The following EXOC6B variants were observed in gnomAD, a reference collection of about 807,000 sequenced individuals.
The protein encoded by EXOC6B is SEC15 homolog B.
EXOC6B carries 54 observed loss-of-function variants against 113.5 expected under a neutral mutation model. The observed-to-expected ratio is 0.48, with a 90% CI of 0.38 to 0.60. The LOEUF is 0.60. EXOC6B is among the 20% of genes least tolerant of loss of function. The pLI is 0.00. For synonymous variants in EXOC6B, 357 were observed against 339.0 expected (o/e 1.05, Z -0.58); for missense variants, 797 against 977.5 (o/e 0.82, Z 2.46).
At chr2:72,469,757 T>A (rs915184748) in intron 17 of EXOC6B, among the ~76,000 whole-genome samples, 3 of 152,218 alleles carry the variant, frequency 2.0e-5, no homozygotes, top group East Asian at 1.9e-4. Context: ...GTCCATTAGA[T>A]TCACTTGATG....
chr2:72,204,688 C>A (rs1384751849), intron 20 of EXOC6B, among the ~76,000 whole-genome samples: 2 of 152,122 alleles, frequency 1.3e-5, no homozygotes, highest in Non-Finnish European at 2.9e-5. Context: ...TGCTCTGAAG[C>A]CCCCAGTCAC....
chr2:72,315,080 G>C lies in EXOC6B; in HGVS notation c.2196+19867C>G, dbSNP rs1687431549. Among the ~76,000 whole-genome samples the C allele has an allele frequency of 2.0e-5, 3 of 152,128 alleles. 1 individual carries two copies. Among genetic ancestry groups the C allele is most frequent in the Admixed American group, 2.0e-4 (3 of 15,272 alleles). ...TTATGGTTTGGAAGGAGGTGGCAGA[G>C]GTAGTCAGAGGGAAGTTGCAATCTT... On this transcript the variant is annotated intron_variant, in intron 20 of 21. Transcript: ENST00000272427.
chr2:72,824,943 C>T (rs1686811549), intron 1 of EXOC6B, among the ~76,000 whole-genome samples: 1 of 152,182 alleles, frequency 6.6e-6, no homozygotes, highest in Admixed American at 6.5e-5. Context: ...GGGCAAGTCA[C>T]TTAACCTATC....
intron 6 of EXOC6B, among the ~76,000 whole-genome samples, chr2:72,679,012 T>G (rs1437867670): frequency 1.3e-5 from 2 of 152,032 alleles, no homozygotes; most frequent in African/African-American, 4.8e-5. Context: ...GAAATCCTAA[T>G]GAAAGTTATG....
intron 6 of EXOC6B, among the ~76,000 whole-genome samples, chr2:72,676,497 C>T (rs942670547): frequency 1.5e-4 from 23 of 152,010 alleles, no homozygotes; most frequent in East Asian, 1.9e-4. Flanking sequence ...CTACATATTA[C>T]GCAGTAAGAA....
chr2:72,304,723 A>G (rs2104767054), intron 20 of EXOC6B, among the ~76,000 whole-genome samples: 1 of 152,324 alleles, frequency 6.6e-6, no homozygotes, highest in East Asian at 1.9e-4. Context: ...TTAACTGTGC[A>G]TTCAGCAGAG....
At chr2:72,558,562 G>T (rs1573390388) in intron 8 of EXOC6B, among the ~76,000 whole-genome samples, 1 of 152,138 alleles carries the variant, frequency 6.6e-6, no homozygotes, top group Non-Finnish European at 1.5e-5. Flanking sequence ...CTGAGGTCAG[G>T]AGTTCAAGAC....
chr2:72,591,307 A>C (rs1240480721), intron 6 of EXOC6B, among the ~76,000 whole-genome samples: 1 of 152,114 alleles, frequency 6.6e-6, no homozygotes, highest in African/African-American at 2.4e-5. Context: ...GATTATTACA[A>C]AGCTGAAAGA....
At chr2:72,548,054 A>C (rs1425705971) in intron 8 of EXOC6B, among the ~76,000 whole-genome samples, 2 of 152,126 alleles carry the variant, frequency 1.3e-5, no homozygotes, top group Non-Finnish European at 2.9e-5. Flanking sequence ...CTCCCACTGC[A>C]TTATTTTATC....
chr2:72,534,448 GC>G (rs1702171831), intron 8 of EXOC6B, among the ~76,000 whole-genome samples: 1 of 151,898 alleles, frequency 6.6e-6, no homozygotes, highest in Non-Finnish European at 1.5e-5. Flanking sequence ...GGTTTAAAAG[GC>G]ATACAGTTAA....
intron 20 of EXOC6B, among the ~76,000 whole-genome samples, chr2:72,194,714 G>T (rs1204678632): frequency 3.9e-5 from 6 of 152,102 alleles, no homozygotes. Flanking sequence ...AAGGCTGGAG[G>T]TGTCTACGGA....
chr2:72,354,993 C>A (rs1269645013), intron 19 of EXOC6B, among the ~76,000 whole-genome samples: 1 of 152,154 alleles, frequency 6.6e-6, no homozygotes, highest in Non-Finnish European at 1.5e-5. Context: ...GGAGGAGAGA[C>A]AATCTATAAA....
chr2:72,225,335 TACTGAGC>T (rs1681170966), intron 20 of EXOC6B, among the ~76,000 whole-genome samples: 1 of 152,216 alleles, frequency 6.6e-6, no homozygotes, highest in South Asian at 2.1e-4. Flanking sequence ...AATTAATGCT[TACTGAGC>T]ACTTGATGTG....
chr2:72,625,250 T>C (rs1169710085), intron 6 of EXOC6B, among the ~76,000 whole-genome samples: 2 of 151,242 alleles, frequency 1.3e-5, no homozygotes, highest in East Asian at 3.9e-4. Context: ...TATGAATATA[T>C]ATGTATATGT....
At chr2:72,373,811 G>C (rs1691185431) in intron 19 of EXOC6B, among the ~76,000 whole-genome samples, 3 of 152,312 alleles carry the variant, frequency 2.0e-5, no homozygotes, top group African/African-American at 7.2e-5. Flanking sequence ...ATATACTGTT[G>C]TTGTGAATGT....
At chr2:72,361,413 A>G (rs571955739) in intron 19 of EXOC6B, among the ~76,000 whole-genome samples, 17 of 151,270 alleles carry the variant, frequency 1.1e-4, no homozygotes, top group African/African-American at 3.6e-4. Flanking sequence ...TGCTTGCCCT[A>G]TGTTTCTCAC....
intron 19 of EXOC6B, among the ~76,000 whole-genome samples, chr2:72,346,581 G>A (rs1255861368): frequency 2.6e-5 from 4 of 152,112 alleles, no homozygotes; most frequent in East Asian, 1.9e-4. Flanking sequence ...AAACGAAGAC[G>A]ATTATCATTT....
intron 20 of EXOC6B, among the ~76,000 whole-genome samples, chr2:72,324,910 A>G (rs945475023): frequency 1.3e-5 from 2 of 152,170 alleles, no homozygotes; most frequent in Non-Finnish European, 2.9e-5. Flanking sequence ...TTCAGCATAA[A>G]GAGACTCCAA....
At chr2:72,634,296 G>A (rs1558865157) in intron 6 of EXOC6B, among the ~76,000 whole-genome samples, 1 of 152,126 alleles carries the variant, frequency 6.6e-6, no homozygotes, top group Non-Finnish European at 1.5e-5. Flanking sequence ...AAATGCTAAT[G>A]AAAAAACAGA....
Sources: gnomAD v4.1 joint callset for allele counts (sites outside exome capture counted in the v4.1 genomes callset) on GRCh38, gnomAD v4.1.1 for gene constraint, MANE v1.5 for transcripts, NCBI Gene and HGNC (gene_info 2026-07-23, HGNC 2026-07-21) for gene names.